LHFPL1: variants seen among roughly 807,000 people sequenced by gnomAD.
LHFPL1 encodes the protein LHFPL tetraspan subfamily member 1 protein.
In LHFPL1, 4 loss-of-function variants were observed where a neutral mutation model predicts 12.1. The observed-to-expected ratio is 0.33, with a 90% CI of 0.16 to 0.76. The LOEUF is 0.76. Among genes scored for constraint, LHFPL1 ranks in the 30% least tolerant of loss-of-function variants. LHFPL1 has a pLI of 0.61. For synonymous variants in LHFPL1, 52 were observed against 61.9 expected, an observed-to-expected ratio of 0.84 and a Z score of 0.75; for missense variants, 141 against 174.1, an observed-to-expected ratio of 0.81 and a Z score of 1.07.
chrX:112,675,230 T>C (rs1931625123), intron 1 of LHFPL1, among the ~76,000 whole-genome samples: 1 of 111,346 alleles, frequency 9.0e-6, no homozygotes, highest in Non-Finnish European at 1.9e-5. Context: ...CTTACTCATG[T>C]AACCAAATAT....
intron 1 of LHFPL1, among the ~76,000 whole-genome samples, chrX:112,673,231 A>G (rs1931560359): frequency 8.9e-6 from 1 of 111,796 alleles, no homozygotes; most frequent in African/African-American, 3.3e-5. Flanking sequence ...GGAAGGGAGC[A>G]GAGATCGTAA....
intron 2 of LHFPL1, among the ~76,000 whole-genome samples, chrX:112,663,026 C>T (rs1001522430): frequency 5.4e-5 from 6 of 111,578 alleles, no homozygotes; most frequent in African/African-American, 9.8e-5. Flanking sequence ...CCTTCTCAAG[C>T]GGAAACTAGA....
rs542139939 is a variant in LHFPL1 at position 112,651,118 on chromosome X, C to T, written c.481+9509G>A. On this transcript the variant is annotated intron_variant, in intron 3 of 3. Transcript: ENST00000371968. The stretch of plus-strand genomic sequence containing the variant: ...CCATATAGGAGTTCGCTATGATTGC[C>T]CAATCTTTATACATGAAGAATTTCC... Among the ~76,000 whole-genome samples, 47 of 111,809 alleles carry T rather than the reference C, an allele frequency of 4.2e-4. No individual in the cohort carries two copies. In the South Asian group the frequency reaches 0.011, roughly 26 times the overall value.
intron 2 of LHFPL1, among the ~76,000 whole-genome samples, chrX:112,662,516 G>A (rs1931219683): frequency 8.9e-6 from 1 of 112,589 alleles, no homozygotes; most frequent in African/African-American, 3.2e-5. Context: ...GGCCGCAGAA[G>A]AAGAGAAGGA....
In LHFPL1 at chrX:112,643,776, G is replaced by C. The variant is rs149785018; in HGVS notation, c.482-12175C>G. Among the ~76,000 whole-genome samples, 949 of 111,649 alleles carry C rather than the reference G, an allele frequency of 8.5e-3. 14 individuals are homozygous for C. Among genetic ancestry groups the C allele is most frequent in the African/African-American group, 0.029 (896 of 30,672 alleles). On this transcript the variant is annotated intron_variant, in intron 3 of 3. Transcript: ENST00000371968. The stretch of plus-strand genomic sequence containing the variant: ...GAAATTACTTATCTATGGTGATACA[G>C]TCAGATAGCAACAGAGCCACCCTAC...
chrX:112,654,506 A>G (rs777270526), intron 3 of LHFPL1, among the ~76,000 whole-genome samples: 159 of 111,268 alleles, frequency 1.4e-3, no homozygotes, highest in African/African-American at 4.9e-3. Flanking sequence ...ATAGAGAGCT[A>G]GATAATATGA....
intron 3 of LHFPL1, among the ~76,000 whole-genome samples, chrX:112,638,534 A>G (rs1395623374): frequency 2.7e-5 from 3 of 110,973 alleles, no homozygotes; most frequent in Non-Finnish European, 5.7e-5. Context: ...AGAGAAAGGG[A>G]CTAAAGGAGA....
intron 3 of LHFPL1, among the ~76,000 whole-genome samples, chrX:112,649,535 C>T (rs943965759): frequency 2.7e-5 from 3 of 111,875 alleles, no homozygotes; most frequent in African/African-American, 6.5e-5. Flanking sequence ...TACTTGCCTT[C>T]CTCTTTTGGG....
At chrX:112,676,715 A>G (rs1281658493) in intron 1 of LHFPL1, among the ~76,000 whole-genome samples, 1 of 112,433 alleles carries the variant, frequency 8.9e-6, no homozygotes, top group East Asian at 2.8e-4. Flanking sequence ...GCAAATGGTT[A>G]TCTCCATTAC....
At chrX:112,659,033 A>G (rs1298823669) in intron 3 of LHFPL1, among the ~76,000 whole-genome samples, 1 of 112,399 alleles carries the variant, frequency 8.9e-6, no homozygotes, top group Admixed American at 9.4e-5. Flanking sequence ...ACAAAAAAAC[A>G]CATATTATAT....
Position 112,671,375 on chromosome X carries a change from T to A in LHFPL1, c.16A>T (p.Thr6Ser). The change falls in exon 2 of 4, where the codon ACC (threonine) becomes TCC (serine). Residue 6 changes from threonine (T) to serine (S), a missense_variant. Thr to Ser is a moderately conservative substitution (Grantham distance 58). Coordinates refer to ENST00000371968, the MANE Select transcript of LHFPL1 (RefSeq NM_178175.4). MRSSL[T>S]MVGTLWAFLS... ...AAGGCCCAGAGGGTTCCCACCATGG[T>A]CAGGCTGCTCCTCATGGTCACAGGT... 1 of 1,211,679 alleles carries A rather than the reference T, an allele frequency of 8.3e-7. No homozygotes were observed. Among genetic ancestry groups the A allele is most frequent in the Non-Finnish European group, 1.1e-6 (1 of 895,429 alleles).
intron 3 of LHFPL1, among the ~76,000 whole-genome samples, chrX:112,655,442 T>C (rs1012494335): frequency 8.9e-6 from 1 of 112,126 alleles, no homozygotes; most frequent in African/African-American, 3.2e-5. Flanking sequence ...TGGTTTAGGA[T>C]AACTTGAATG....
chrX:112,647,677 G>A (rs1023753512), intron 3 of LHFPL1, among the ~76,000 whole-genome samples: 14 of 112,191 alleles, frequency 1.2e-4, no homozygotes, highest in Admixed American at 1.2e-3. Flanking sequence ...GGAATAAACA[G>A]ATGCTGGAGA....
intron 3 of LHFPL1, among the ~76,000 whole-genome samples, chrX:112,654,891 G>T (rs1280648553): frequency 9.0e-6 from 1 of 111,404 alleles, no homozygotes; most frequent in Non-Finnish European, 1.9e-5. Flanking sequence ...GCTCAGGTGG[G>T]CAATTCTTCT....
chrX:112,655,339 G>A (rs1275476799), intron 3 of LHFPL1, among the ~76,000 whole-genome samples: 1 of 111,958 alleles, frequency 8.9e-6, no homozygotes, highest in Non-Finnish European at 1.9e-5. Flanking sequence ...AGAAATTTGT[G>A]GCTATCTTTA....
At chrX:112,654,115 T>G (rs891502521) in intron 3 of LHFPL1, among the ~76,000 whole-genome samples, 15 of 111,773 alleles carry the variant, frequency 1.3e-4, no homozygotes, top group African/African-American at 4.5e-4. Flanking sequence ...AACCCAATCA[T>G]TCCACTCCTA....
intron 3 of LHFPL1, among the ~76,000 whole-genome samples, chrX:112,641,437 T>A (rs1235456501): frequency 9.0e-6 from 1 of 111,707 alleles, no homozygotes; most frequent in Non-Finnish European, 1.9e-5. Context: ...GCTCAGGAAG[T>A]CAGTGTGGTA....
chrX:112,657,247 G>T (rs948577549), intron 3 of LHFPL1, among the ~76,000 whole-genome samples: 4 of 112,062 alleles, frequency 3.6e-5, no homozygotes, highest in South Asian at 3.7e-4. Flanking sequence ...AAGTGAAAAT[G>T]TTCTACACTG....
intron 3 of LHFPL1, among the ~76,000 whole-genome samples, chrX:112,653,735 A>G (rs1203323628): frequency 8.9e-6 from 1 of 112,285 alleles, no homozygotes; most frequent in African/African-American, 3.2e-5. Flanking sequence ...GACCAAGGCA[A>G]ATCTCAGGAA....
Sources: allele counts gnomAD v4.1 joint callset (sites outside exome capture counted in the v4.1 genomes callset), GRCh38; gene constraint gnomAD v4.1.1; transcripts MANE v1.5; gene names NCBI Gene and HGNC (gene_info 2026-07-23, HGNC 2026-07-21).